The following BAALC variants were observed in gnomAD, a reference collection of about 807,000 sequenced individuals.
BAALC encodes the protein brain and acute leukemia cytoplasmic protein.
Under a neutral mutation model 15.5 loss-of-function variants are expected in BAALC, and 9 were observed. The ratio of observed to expected loss-of-function variants is 0.58; its 90% CI spans 0.35 to 1.02. BAALC has a LOEUF of 1.02. Among genes scored for constraint, BAALC ranks in the 50% least tolerant of loss-of-function variants. The pLI, the probability that BAALC is intolerant of heterozygous loss-of-function variation, is 0.02. For missense variants in BAALC, 201 were observed against 192.4 expected, an observed-to-expected ratio of 1.04 and a Z score of -0.27; for synonymous variants, 80 against 74.6, an observed-to-expected ratio of 1.07 and a Z score of -0.37.
At chr8:103,213,117 C>T in intron 2 of BAALC, 32 bp downstream of exon 2, 1 of 1,607,884 alleles carries the variant, frequency 6.2e-7, no homozygotes, top group Non-Finnish European at 8.5e-7. Context: ...CAACTGGGGA[C>T]TGGAGAATGG....
At chr8:103,226,888 G>A (rs1180925428) in intron 2 of BAALC, among the ~76,000 whole-genome samples, 1 of 152,064 alleles carries the variant, frequency 6.6e-6, no homozygotes, top group African/African-American at 2.4e-5. Flanking sequence ...ACAGATAAGG[G>A]TTAGAGAGTT....
At chr8:103,183,023 T>C (rs990805800) in intron 1 of BAALC, among the ~76,000 whole-genome samples, 1 of 152,226 alleles carries the variant, frequency 6.6e-6, no homozygotes, top group Non-Finnish European at 1.5e-5. Flanking sequence ...TGACATATCA[T>C]GGGACAGAAT....
At chr8:103,145,443 A>G (rs574542469) in intron 1 of BAALC, among the ~76,000 whole-genome samples, 1 of 152,302 alleles carries the variant, frequency 6.6e-6, no homozygotes, top group East Asian at 1.9e-4. Context: ...CACATTCTCT[A>G]AATACACTAC....
intron 1 of BAALC, chr8:103,198,234 T>C: frequency 1.6e-6 from 1 of 631,168 alleles, no homozygotes; most frequent in Non-Finnish European, 2.8e-6. Context: ...TTTCTGTTCT[T>C]ATGTATCATT....
intron 1 of BAALC, among the ~76,000 whole-genome samples, chr8:103,205,932 C>T (rs1812317605): frequency 6.6e-6 from 1 of 152,184 alleles, no homozygotes; most frequent in South Asian, 2.1e-4. Flanking sequence ...GGGTTTAGTA[C>T]AGTGCAACTT....
At chr8:103,215,265 T>A (rs1174995371) in intron 2 of BAALC, among the ~76,000 whole-genome samples, 1 of 152,176 alleles carries the variant, frequency 6.6e-6, no homozygotes, top group Non-Finnish European at 1.5e-5. Flanking sequence ...TTATCCCCAT[T>A]TTATAGACAA....
intron 1 of BAALC, among the ~76,000 whole-genome samples, chr8:103,170,849 G>T (rs920780448): frequency 6.6e-6 from 1 of 152,134 alleles, no homozygotes; most frequent in Non-Finnish European, 1.5e-5. Flanking sequence ...AGAAATGGAA[G>T]ATGCTTTGAG....
intron 1 of BAALC, among the ~76,000 whole-genome samples, chr8:103,150,903 C>A (rs1180113847): frequency 1.3e-5 from 2 of 152,184 alleles, no homozygotes; most frequent in African/African-American, 4.8e-5. Flanking sequence ...AGTGAGCCAG[C>A]TTTTAACAAG....
chr8:103,144,475 T>A (rs1810841013), intron 1 of BAALC, among the ~76,000 whole-genome samples: 1 of 152,206 alleles, frequency 6.6e-6, no homozygotes. Context: ...TGACATAATT[T>A]AATCCTCATA....
intron 2 of BAALC, among the ~76,000 whole-genome samples, chr8:103,222,238 C>A (rs77810104): frequency 2.0e-5 from 3 of 151,806 alleles, no homozygotes; most frequent in Admixed American, 1.3e-4. Flanking sequence ...GTGGCTGGCT[C>A]TTAGTTGATT....
Position 103,207,578 on chromosome 8 carries a change from A to T in BAALC, c.161-5341A>T, listed in dbSNP as rs913374187. On this transcript the variant is annotated intron_variant, in intron 1 of 2. Transcript: ENST00000309982. ...GATCAACCTTTGTCTTTCCTGGTAG[A>T]GAGGGGAAGAAGCCTTTCCTCTTGT... Among the ~76,000 whole-genome samples the T allele has an allele frequency of 4.6e-5, 7 of 152,170 alleles. No individual in the cohort carries two copies. In the East Asian group the frequency reaches 1.3e-3, roughly 29 times the overall value.
rs74598583 is a variant in BAALC, at chr8:103,177,886, T to C, written c.161-35033T>C. Among the ~76,000 whole-genome samples, 390 of 152,352 alleles carry C rather than the reference T, an allele frequency of 2.6e-3. 2 individuals are homozygous for C. Among genetic ancestry groups the C allele is most frequent in the African/African-American group, 9.2e-3 (384 of 41,580 alleles). On this transcript the variant is annotated intron_variant, in intron 1 of 2. Coordinates refer to ENST00000309982, the MANE Select transcript of BAALC (RefSeq NM_024812.3). ...GCTTTGTGTATATTAACTAGTTGAA[T>C]CCTCCACAAATTCCTTAAAATCAGA...
At chr8:103,208,750 G>T (rs1254063056) in intron 1 of BAALC, among the ~76,000 whole-genome samples, 2 of 152,184 alleles carry the variant, frequency 1.3e-5, no homozygotes, top group Admixed American at 6.5e-5. Flanking sequence ...GCCTCCCTGG[G>T]ATATATTCCC....
At chr8:103,171,119 AAGAG>A (rs920754597) in intron 1 of BAALC, among the ~76,000 whole-genome samples, 4 of 151,278 alleles carry the variant, frequency 2.6e-5, no homozygotes, top group South Asian at 2.1e-4. Context: ...GAAAGGAAAA[AAGAG>A]AGAGAGAGAG....
At chr8:103,166,246 G>A (rs1248926328) in intron 1 of BAALC, 1 of 152,806 alleles carries the variant, frequency 6.5e-6, no homozygotes, top group Non-Finnish European at 1.5e-5. Flanking sequence ...CTTTGTTCCT[G>A]CCAGTGTCTG....
At chr8:103,209,609 C>T (rs1190479397) in intron 1 of BAALC, among the ~76,000 whole-genome samples, 2 of 152,128 alleles carry the variant, frequency 1.3e-5, no homozygotes, top group Admixed American at 1.3e-4. Context: ...ACGTATCTAC[C>T]AAAGCCTCAG....
Position 103,228,170 on chromosome 8 carries a change from C to A in BAALC, c.*71C>A. On this transcript the variant is annotated 3_prime_UTR_variant, in exon 3 of 3. Coordinates refer to ENST00000309982, the MANE Select transcript of BAALC (RefSeq NM_024812.3). ...CACGGCACTGGATCCCATCAAAGAACCTTGAAGAAGTGGCTGCCCCTTGCT... is the reference window on the plus strand; with the variant it reads ...CACGGCACTGGATCCCATCAAAGAAACTTGAAGAAGTGGCTGCCCCTTGCT... 1.8e-6 allele frequency: 2 copies of A among 1,116,342 alleles called. No individual in the cohort carries two copies. Among genetic ancestry groups the A allele is most frequent in the African/African-American group, 3.1e-5 (2 of 64,588 alleles). The allele number at this position is 1,116,342 out of a possible 1,614,324, so 69.2% of individuals were successfully genotyped here.
At chr8:103,172,622 T>C (rs568456877) in intron 1 of BAALC, among the ~76,000 whole-genome samples, 1 of 152,102 alleles carries the variant, frequency 6.6e-6, no homozygotes, top group East Asian at 1.9e-4. Flanking sequence ...CTCAAACTCC[T>C]GACTTCAGGT....
At chr8:103,202,998 G>A (rs1812252920) in intron 1 of BAALC, 1 of 152,268 alleles carries the variant, frequency 6.6e-6, no homozygotes, top group Admixed American at 6.5e-5. Context: ...CAGTTCATTA[G>A]CTTGTCTGTT....
Sources: gnomAD v4.1 joint callset for allele counts (sites outside exome capture counted in the v4.1 genomes callset) on GRCh38, gnomAD v4.1.1 for gene constraint, MANE v1.5 for transcripts, NCBI Gene and HGNC (gene_info 2026-07-23, HGNC 2026-07-21) for gene names.